Variants in GALNT14 observed in about 807,000 individuals in gnomAD.
GALNT14 encodes UDP-GalNAc:polypeptide N-acetylgalactosaminyltransferase 14.
In GALNT14, 60 loss-of-function variants were observed where a neutral mutation model predicts 77.5. The ratio of observed to expected loss-of-function variants is 0.77; its 90% confidence interval spans 0.63 to 0.96. The LOEUF is 0.96. GALNT14 is among the 40% of genes least tolerant of loss of function. The pLI is 0.00. For missense variants in GALNT14, 710 were observed against 731.0 expected (o/e 0.97, Z 0.33); for synonymous variants, 280 against 281.7 (o/e 0.99, Z 0.06).
the GALNT14 span, among the ~76,000 whole-genome samples, chr2:30,888,590 A>G: frequency 1.3e-5 from 2 of 152,172 alleles, no homozygotes; most frequent in African/African-American, 4.8e-5. Flanking sequence ...CTGGAACAAC[A>G]ATTTAGCATG....
chr2:30,904,028 T>A, the GALNT14 span, among the ~76,000 whole-genome samples: 2 of 152,160 alleles, frequency 1.3e-5, no homozygotes. Context: ...GCCAGAGAGA[T>A]CATCCTAGGG....
At chr2:31,037,620 G>GA (rs1672822007) in intron 1 of GALNT14, among the ~76,000 whole-genome samples, 1 of 152,030 alleles carries the variant, frequency 6.6e-6, no homozygotes, top group Non-Finnish European at 1.5e-5. Flanking sequence ...ATATAATGTG[G>GA]AAACTATGGA....
intron 1 of GALNT14, among the ~76,000 whole-genome samples, chr2:31,075,129 G>A (rs1412701252): frequency 6.6e-6 from 1 of 152,200 alleles, no homozygotes; most frequent in East Asian, 1.9e-4. Flanking sequence ...TTGTTTAAAA[G>A]AGTGTGGCAC....
intron 1 of GALNT14, chr2:31,114,735 G>T (rs543387292): frequency 2.4e-5 from 17 of 716,182 alleles, no homozygotes; most frequent in Non-Finnish European, 4.2e-5. Flanking sequence ...TGGAAGTAAA[G>T]AATTTACCTG....
intron 3 of GALNT14, among the ~76,000 whole-genome samples, chr2:30,963,028 G>T (rs1475533186): frequency 2.0e-5 from 3 of 152,118 alleles, no homozygotes; most frequent in Non-Finnish European, 4.4e-5. Flanking sequence ...GCTCCTGGTT[G>T]TCTACACATG....
chr2:31,069,480 C>T (rs1675206286), intron 1 of GALNT14, among the ~76,000 whole-genome samples: 1 of 152,212 alleles, frequency 6.6e-6, no homozygotes, highest in Admixed American at 6.5e-5. Context: ...GTTATAATCC[C>T]CATTTTACAA....
intron 1 of GALNT14, among the ~76,000 whole-genome samples, chr2:31,044,957 T>C (rs1330549781): frequency 6.7e-6 from 1 of 150,146 alleles, no homozygotes; most frequent in Non-Finnish European, 1.5e-5. Context: ...CCGTCAGGCA[T>C]GGGGAATTCA....
intron 9 of GALNT14, among the ~76,000 whole-genome samples, chr2:30,933,168 A>G (rs1006985339): frequency 2.6e-5 from 4 of 152,190 alleles, no homozygotes; most frequent in African/African-American, 9.7e-5. Context: ...AAGCAGAATG[A>G]CTGTGAGTGT....
chr2:30,911,378 A>G (rs1664348772), intron 14 of GALNT14, among the ~76,000 whole-genome samples: 2 of 152,132 alleles, frequency 1.3e-5, no homozygotes, highest in Non-Finnish European at 2.9e-5. Flanking sequence ...AACGATCCAC[A>G]CTCAGCATCT....
At chr2:30,942,327 G>A in intron 8 of GALNT14, 23 bp from the exon 9 acceptor site, 7 of 1,568,216 alleles carry the variant, frequency 4.5e-6, no homozygotes, top group African/African-American at 1.3e-5. Flanking sequence ...AAGAAAAAGA[G>A]AGGGGATCAG....
At chr2:30,923,330 C>T (rs1040401989) in intron 13 of GALNT14, among the ~76,000 whole-genome samples, 3 of 152,136 alleles carry the variant, frequency 2.0e-5, no homozygotes, top group Non-Finnish European at 4.4e-5. Context: ...TTCCAAAGTG[C>T]TGGGATTACA....
chr2:30,948,907 C>T lies in GALNT14; in HGVS notation c.655-3037G>A, dbSNP rs1000721103. ...AAATGCTGGTTGCTTACTTTGGTCA[C>T]AGACTTCCCCAGAAGCCATGCATGG... On this transcript the variant is annotated intron_variant, in intron 6 of 14. Transcript: ENST00000349752. Among the ~76,000 whole-genome samples, 6 of 152,166 alleles carry T rather than the reference C, an allele frequency of 3.9e-5. No homozygotes were observed. In the South Asian group the frequency reaches 8.3e-4, roughly 21 times the overall value.
intron 9 of GALNT14, among the ~76,000 whole-genome samples, chr2:30,934,559 C>T (rs576681706): frequency 6.6e-6 from 1 of 152,296 alleles, no homozygotes; most frequent in South Asian, 2.1e-4. Flanking sequence ...CATGCCCCAC[C>T]ACCGTTCTCC....
intron 1 of GALNT14, among the ~76,000 whole-genome samples, chr2:31,020,179 C>G (rs1671626388): frequency 6.6e-6 from 1 of 152,140 alleles, no homozygotes; most frequent in Admixed American, 6.5e-5. Flanking sequence ...TTGCAGCTAT[C>G]ACACAGGAAA....
intron 11 of GALNT14, among the ~76,000 whole-genome samples, chr2:30,928,159 G>A (rs1204320798): frequency 1.3e-5 from 2 of 152,182 alleles, no homozygotes; most frequent in African/African-American, 4.8e-5. Context: ...CTGAGGGGCA[G>A]CATGGATTTA....
chr2:31,022,320 G>A (rs1399584652), intron 1 of GALNT14, among the ~76,000 whole-genome samples: 1 of 152,228 alleles, frequency 6.6e-6, no homozygotes, highest in East Asian at 1.9e-4. Flanking sequence ...ACCCCTCAGG[G>A]GGTCCCCCTC....
At chr2:30,971,148 G>A (rs59365807) in intron 2 of GALNT14, among the ~76,000 whole-genome samples, 3,011 of 152,216 alleles carry the variant, frequency 0.02, 43 homozygotes, top group East Asian at 0.056. Context: ...CCAGAAAGCT[G>A]GACATGGTGA....
At chr2:30,891,287 G>A in the GALNT14 span, among the ~76,000 whole-genome samples, 6 of 152,178 alleles carry the variant, frequency 3.9e-5, no homozygotes, top group Middle Eastern at 3.4e-3. Context: ...AAGAGATTAC[G>A]GGCTTTCCTG....
chr2:30,945,062 G>A, intron 7 of GALNT14, 120 bp from the exon 8 acceptor site: 1 of 775,064 alleles, frequency 1.3e-6, no homozygotes. Flanking sequence ...AAAGAGGCCG[G>A]TCCCTGGGAT....
Sources: allele counts gnomAD v4.1 joint callset (sites outside exome capture counted in the v4.1 genomes callset), GRCh38; gene constraint gnomAD v4.1.1; transcripts MANE v1.5; gene names NCBI Gene and HGNC (gene_info 2026-07-23, HGNC 2026-07-21).